Variants in ARHGAP42 observed in about 807,000 individuals in gnomAD.
ARHGAP42 encodes rho GTPase-activating protein 42.
Under a neutral mutation model 125.0 loss-of-function variants are expected in ARHGAP42, and 63 were observed. The observed-to-expected ratio is 0.50, with a 90% CI of 0.41 to 0.62. The LOEUF (loss-of-function observed/expected upper bound fraction) is 0.62, where lower values mean the gene tolerates loss of function less well. ARHGAP42 is among the 20% of genes least tolerant of loss of function. The pLI, the probability that ARHGAP42 is intolerant of heterozygous loss-of-function variation, is 0.00. For synonymous variants in ARHGAP42, 339 were observed against 351.0 expected, an observed-to-expected ratio of 0.97 and a Z score of 0.38; for missense variants, 766 against 1,024.2, an observed-to-expected ratio of 0.75 and a Z score of 3.44.
chr11:100,696,333 AT>A (rs529582809), intron 1 of ARHGAP42, among the ~76,000 whole-genome samples: 38 of 151,924 alleles, frequency 2.5e-4, no homozygotes, highest in Admixed American at 1.7e-3. Context: ...TAAAATGTCT[AT>A]TTTTTTTATT....
Position 100,974,523 on chromosome 11 carries a change from G to A in ARHGAP42, c.1775G>A (p.Arg592Gln), listed in dbSNP as rs752428899. The change falls in exon 19 of 24, where the codon CGA becomes CAA. Residue 592 changes from arginine to glutamine, a missense_variant. Transcript: ENST00000298815. Reference protein sequence around the residue: ...LPQPQSRSGSRRTRAICLSTG... With the variant: ...LPQPQSRSGSQRTRAICLSTG... ...CAGCCTCAGTCTCGATCTGGATCCC[G>A]AAGGACACGAGCAATCTGCCTCTCT... 7.6e-5 allele frequency: 118 copies of A among 1,550,850 alleles called. No homozygotes were observed. The highest frequency in any genetic ancestry group is 9.8e-5 in the Admixed American group (5 of 50,958).
intron 4 of ARHGAP42, among the ~76,000 whole-genome samples, chr11:100,882,105 C>T (rs746055448): frequency 3.3e-5 from 5 of 152,138 alleles, no homozygotes; most frequent in Non-Finnish European, 5.9e-5. Flanking sequence ...TCTGATTGCT[C>T]TGGCTAGGAC....
At chr11:100,883,817 A>G (rs1291256175) in intron 4 of ARHGAP42, among the ~76,000 whole-genome samples, 1 of 152,184 alleles carries the variant, frequency 6.6e-6, no homozygotes. Flanking sequence ...CACAAGAAGG[A>G]AAGTAGAGGG....
At chr11:100,721,560 C>A (rs898148019) in intron 1 of ARHGAP42, among the ~76,000 whole-genome samples, 1 of 151,820 alleles carries the variant, frequency 6.6e-6, no homozygotes, top group Non-Finnish European at 1.5e-5. Flanking sequence ...GCAACCTCTG[C>A]CTCCCGGGTT....
intron 4 of ARHGAP42, among the ~76,000 whole-genome samples, chr11:100,895,752 C>A (rs1294417587): frequency 6.6e-6 from 1 of 152,066 alleles, no homozygotes; most frequent in African/African-American, 2.4e-5. Flanking sequence ...GAATTTTATT[C>A]TCTATTCTTA....
intron 3 of ARHGAP42, among the ~76,000 whole-genome samples, chr11:100,843,493 G>C (rs1766448750): frequency 6.6e-6 from 1 of 152,012 alleles, no homozygotes; most frequent in African/African-American, 2.4e-5. Context: ...CATCCAAATA[G>C]GTAAAGAAGA....
chr11:100,799,501 A>C (rs1298796290), intron 3 of ARHGAP42, among the ~76,000 whole-genome samples: 1 of 152,200 alleles, frequency 6.6e-6, no homozygotes, highest in Non-Finnish European at 1.5e-5. Context: ...AAAGAAGTCT[A>C]ACTTCCACAG....
At chr11:100,899,036 A>G (rs866969156) in intron 4 of ARHGAP42, among the ~76,000 whole-genome samples, 1 of 152,056 alleles carries the variant, frequency 6.6e-6, no homozygotes, top group Non-Finnish European at 1.5e-5. Flanking sequence ...ATTCTGGTAC[A>G]TTGTGTCTTT....
At chr11:100,737,110 A>G (rs1301596101) in intron 1 of ARHGAP42, among the ~76,000 whole-genome samples, 2 of 152,248 alleles carry the variant, frequency 1.3e-5, no homozygotes, top group Non-Finnish European at 2.9e-5. Context: ...TAATGAGTAG[A>G]CATTGTTAGG....
chr11:100,727,980 T>C (rs1861889929), intron 1 of ARHGAP42, among the ~76,000 whole-genome samples: 1 of 152,138 alleles, frequency 6.6e-6, no homozygotes, highest in Admixed American at 6.6e-5. Flanking sequence ...GTGGGGTCTG[T>C]GCTAAACCTG....
chr11:100,882,801 G>A (rs1050766350), intron 4 of ARHGAP42, among the ~76,000 whole-genome samples: 10 of 152,006 alleles, frequency 6.6e-5, no homozygotes, highest in Non-Finnish European at 1.2e-4. Flanking sequence ...TGTCTGTTTA[G>A]GGTATCTAGT....
intron 1 of ARHGAP42, among the ~76,000 whole-genome samples, chr11:100,695,640 A>G (rs1158653651): frequency 1.3e-5 from 2 of 152,186 alleles, no homozygotes; most frequent in African/African-American, 2.4e-5. Flanking sequence ...TTGGTTAATC[A>G]GAATACTCCA....
At chr11:100,703,924 T>C (rs1486623567) in intron 1 of ARHGAP42, among the ~76,000 whole-genome samples, 2 of 152,216 alleles carry the variant, frequency 1.3e-5, no homozygotes, top group Non-Finnish European at 2.9e-5. Context: ...AAAAGTGCTT[T>C]CCTAGGTGTC....
At chr11:100,705,093 G>C (rs185665604) in intron 1 of ARHGAP42, among the ~76,000 whole-genome samples, 1 of 151,630 alleles carries the variant, frequency 6.6e-6, no homozygotes, top group Non-Finnish European at 1.5e-5. Context: ...GTTATGGCTT[G>C]GATTTGTATC....
chr11:100,701,556 C>T (rs1239310899), intron 1 of ARHGAP42, among the ~76,000 whole-genome samples: 2 of 152,222 alleles, frequency 1.3e-5, no homozygotes, highest in East Asian at 3.8e-4. Flanking sequence ...TGCTGTTTCA[C>T]CTTGCTCATT....
At chr11:100,780,412 T>G (rs1452407345) in intron 2 of ARHGAP42, among the ~76,000 whole-genome samples, 1 of 152,202 alleles carries the variant, frequency 6.6e-6, no homozygotes, top group Non-Finnish European at 1.5e-5. Context: ...TATTTGCAAG[T>G]TTTATATTTG....
rs565322577 is a variant in ARHGAP42, at chr11:100,901,347, C to T, written c.385-12105C>T. ...TCAGCCCCTCCTGGAAGGTGTCTCC[C>T]AATTAGGCTACATGGGGGTCAGAGA... is the stretch of plus-strand genomic sequence containing the variant. On this transcript the variant is annotated intron_variant, in intron 4 of 23. Coordinates refer to ENST00000298815, the MANE Select transcript of ARHGAP42 (RefSeq NM_152432.4). 2.0e-5 allele frequency among the ~76,000 whole-genome samples: 3 copies of T among 152,324 alleles called. No homozygotes were observed. In the South Asian group the frequency reaches 6.2e-4, roughly 32 times the overall value.
chr11:100,987,747 C>A (rs1303598366), intron 23 of ARHGAP42, among the ~76,000 whole-genome samples, 155 bp downstream of exon 23: 1 of 151,970 alleles, frequency 6.6e-6, no homozygotes, highest in Non-Finnish European at 1.5e-5. Flanking sequence ...TCAAATCCCT[C>A]TGGGTGGCAT....
At chr11:100,712,666 T>C (rs902221724) in intron 1 of ARHGAP42, among the ~76,000 whole-genome samples, 1 of 152,168 alleles carries the variant, frequency 6.6e-6, no homozygotes, top group Non-Finnish European at 1.5e-5. Flanking sequence ...TCAGTATGCA[T>C]GTGCGTGTGT....
Sources: gnomAD v4.1 joint callset for allele counts (sites outside exome capture counted in the v4.1 genomes callset) on GRCh38, gnomAD v4.1.1 for gene constraint, MANE v1.5 for transcripts, NCBI Gene and HGNC (gene_info 2026-07-23, HGNC 2026-07-21) for gene names.